Variants in ASTN2 observed in about 807,000 individuals in gnomAD.
ASTN2 encodes the protein astrotactin-2.
A neutral mutation model predicts 139.8 loss-of-function variants in ASTN2; 54 were observed. The ratio of observed to expected loss-of-function variants is 0.39; its 90% CI spans 0.31 to 0.48. ASTN2 has a LOEUF of 0.48. ASTN2 is among the 20% of genes least tolerant of loss of function. ASTN2 has a pLI of 0.95. For missense variants in ASTN2, 1,565 were observed against 1,725.1 expected (o/e 0.91, Z 1.64); for synonymous variants, 756 against 719.5 (o/e 1.05, Z -0.81).
At chr9:116,832,020 C>T (rs1831828606) in intron 11 of ASTN2, among the ~76,000 whole-genome samples, 1 of 152,066 alleles carries the variant, frequency 6.6e-6, no homozygotes, top group Non-Finnish European at 1.5e-5. Context: ...TATTTCATTA[C>T]TTTTTAGGGA....
At chr9:116,527,284 T>C (rs1235503631) in intron 19 of ASTN2, among the ~76,000 whole-genome samples, 2 of 152,072 alleles carry the variant, frequency 1.3e-5, no homozygotes, top group East Asian at 3.9e-4. Flanking sequence ...ATACATCTGA[T>C]AAGGGGCTAA....
intron 10 of ASTN2, among the ~76,000 whole-genome samples, chr9:116,971,513 C>T (rs1423132173): frequency 6.6e-6 from 1 of 152,180 alleles, no homozygotes. Context: ...ACTCTTCATT[C>T]ATTCTGTAAC....
chr9:117,084,682 C>G (rs1043068756), intron 5 of ASTN2, among the ~76,000 whole-genome samples: 1 of 152,168 alleles, frequency 6.6e-6, no homozygotes, highest in Non-Finnish European at 1.5e-5. Flanking sequence ...TAATGGTTAT[C>G]TAAGTTCCAG....
intron 17 of ASTN2, among the ~76,000 whole-genome samples, chr9:116,633,397 AAACCTGGCTGG>A (rs1856904977): frequency 6.6e-6 from 1 of 152,130 alleles, no homozygotes; most frequent in South Asian, 2.1e-4. Context: ...CTGGAAGGGG[AAACCTGGCTGG>A]AACTCACATA....
chr9:117,291,612 C>A lies in ASTN2; in HGVS notation c.443-99G>T, dbSNP rs994865033. On this transcript the variant is annotated intron_variant, in intron 1 of 22. Transcript: ENST00000313400. ...CATAATCAGGAGCTCAGAAGGCATC[C>A]ATTTTTTGCCAGGATACCTTTCCTC... The A allele has an allele frequency of 1.3e-5, 14 of 1,100,600 alleles. No individual in the cohort carries two copies. In the African/African-American group the frequency reaches 1.6e-4, roughly 12 times the overall value. The allele number at this position is 1,100,600 out of a possible 1,614,324, so 68.2% of individuals were successfully genotyped here.
At chr9:117,204,276 C>A (rs1457114101) in intron 3 of ASTN2, among the ~76,000 whole-genome samples, 1 of 152,168 alleles carries the variant, frequency 6.6e-6, no homozygotes, top group East Asian at 1.9e-4. Flanking sequence ...CCAGGCTGGT[C>A]TGGAACTCCT....
chr9:117,055,893 AAGGTT>A (rs1839046770), intron 5 of ASTN2, among the ~76,000 whole-genome samples: 1 of 152,238 alleles, frequency 6.6e-6, no homozygotes, highest in Non-Finnish European at 1.5e-5. Context: ...TGCCACTTCC[AAGGTT>A]AGGTTATGAA....
intron 16 of ASTN2, chr9:116,701,427 A>G (rs1037674106): frequency 6.6e-6 from 1 of 152,580 alleles, no homozygotes; most frequent in Admixed American, 6.5e-5. Flanking sequence ...TGACTCCACT[A>G]GTTATTAGAG....
intron 19 of ASTN2, among the ~76,000 whole-genome samples, chr9:116,511,742 G>C (rs531897226): frequency 6.6e-6 from 1 of 152,136 alleles, no homozygotes; most frequent in Non-Finnish European, 1.5e-5. Context: ...GAGGGTGGAT[G>C]TGTCCAGGAA....
At chr9:116,443,435 A>G (rs888437590) in intron 20 of ASTN2, among the ~76,000 whole-genome samples, 1 of 152,180 alleles carries the variant, frequency 6.6e-6, no homozygotes, top group African/African-American at 2.4e-5. Flanking sequence ...CCACCTTTCT[A>G]TGATGTCATC....
At chr9:117,003,953 C>CGCGCGCGCGCGCGTGTGTGTGTGT (rs1218309835) in intron 7 of ASTN2, among the ~76,000 whole-genome samples, 19 of 146,222 alleles carry the variant, frequency 1.3e-4, no homozygotes, top group African/African-American at 4.4e-4. Context: ...CGCGCGCGCG[C>CGCGCGCGCGCGCGTGTGTGTGTGT]GTGTGTGTGT....
At chr9:117,052,434 TAA>T (rs1266282770) in intron 5 of ASTN2, among the ~76,000 whole-genome samples, 2 of 137,200 alleles carry the variant, frequency 1.5e-5, no homozygotes, top group African/African-American at 2.7e-5. Context: ...GACTCCATCT[TAA>T]AAAAAAAAAA....
At chr9:116,666,406 A>C (rs1334465559) in intron 16 of ASTN2, among the ~76,000 whole-genome samples, 1 of 152,210 alleles carries the variant, frequency 6.6e-6, no homozygotes, top group Non-Finnish European at 1.5e-5. Context: ...TGCCATTAAC[A>C]AAACATAGTA....
In ASTN2 at chr9:116,557,840, A is replaced by C. The variant is rs187234031; in HGVS notation, c.3355+60484T>G. The stretch of plus-strand genomic sequence containing the variant: ...TAGTACAAACAAATAAAACTTCATA[A>C]CAAACAAGCAAACATAGACCTCTCA... On this transcript the variant is annotated intron_variant, in intron 19 of 22. Coordinates refer to ENST00000313400, the MANE Select transcript of ASTN2 (RefSeq NM_001365068.1). 9.8e-5 allele frequency among the ~76,000 whole-genome samples: 15 copies of C among 152,332 alleles called. No homozygotes were observed. The East Asian group carries it at 2.9e-3, about 29-fold the overall frequency.
chr9:116,702,552 A>G (rs920863792), intron 16 of ASTN2, among the ~76,000 whole-genome samples: 1 of 152,202 alleles, frequency 6.6e-6, no homozygotes, highest in Non-Finnish European at 1.5e-5. Flanking sequence ...AGCTACCAGC[A>G]TGTAACATGG....
intron 22 of ASTN2, among the ~76,000 whole-genome samples, chr9:116,428,693 A>G (rs1451429836): frequency 6.6e-6 from 1 of 152,132 alleles, no homozygotes; most frequent in African/African-American, 2.4e-5. Flanking sequence ...TGCAGTAATG[A>G]TACAACCACA....
intron 5 of ASTN2, among the ~76,000 whole-genome samples, chr9:117,060,831 C>A (rs930387003): frequency 6.6e-6 from 1 of 151,470 alleles, no homozygotes; most frequent in African/African-American, 2.4e-5. Context: ...GGAGGTGGAG[C>A]TTGCAGTGAG....
chr9:116,983,699 C>T (rs566193036), intron 7 of ASTN2, among the ~76,000 whole-genome samples: 31 of 152,248 alleles, frequency 2.0e-4, no homozygotes, highest in African/African-American at 5.8e-4. Flanking sequence ...ATATGACTTG[C>T]TTTGATCAAT....
chr9:116,523,548 T>G (rs895389611), intron 19 of ASTN2, among the ~76,000 whole-genome samples: 1 of 152,116 alleles, frequency 6.6e-6, no homozygotes, highest in African/African-American at 2.4e-5. Context: ...TCATAATGCC[T>G]CCTTTGCAGC....
Sources: gnomAD v4.1 joint callset for allele counts (sites outside exome capture counted in the v4.1 genomes callset) on GRCh38, gnomAD v4.1.1 for gene constraint, MANE v1.5 for transcripts, NCBI Gene and HGNC (gene_info 2026-07-23, HGNC 2026-07-21) for gene names.